MARCHF1: variants seen among roughly 807,000 people sequenced by gnomAD.
The protein encoded by MARCHF1 is E3 ubiquitin-protein ligase MARCHF1.
Under a neutral mutation model 54.2 loss-of-function variants are expected in MARCHF1, and 40 were observed. The observed-to-expected ratio is 0.74, with a 90% CI of 0.57 to 0.96. The LOEUF is 0.96. Among genes scored for constraint, MARCHF1 ranks in the 40% least tolerant of loss-of-function variants. The pLI, the probability that MARCHF1 is intolerant of heterozygous loss-of-function variation, is 0.00. For synonymous variants in MARCHF1, 236 were observed against 236.3 expected, an observed-to-expected ratio of 1.00 and a Z score of 0.01; for missense variants, 586 against 656.5, an observed-to-expected ratio of 0.89 and a Z score of 1.17.
intron 4 of MARCHF1, among the ~76,000 whole-genome samples, chr4:163,817,719 G>A (rs965606854): frequency 1.2e-4 from 18 of 151,808 alleles, no homozygotes; most frequent in South Asian, 2.1e-4. Context: ...AAAGGTTTAC[G>A]TATGTTTTGA....
chr4:163,793,703 G>A (rs562756151), intron 4 of MARCHF1, among the ~76,000 whole-genome samples: 3 of 152,248 alleles, frequency 2.0e-5, no homozygotes, highest in Admixed American at 6.5e-5. Context: ...AATCAGTTAT[G>A]TTATCTATAG....
At chr4:164,261,172 C>T (rs1282165446) in intron 1 of MARCHF1, among the ~76,000 whole-genome samples, 1 of 152,046 alleles carries the variant, frequency 6.6e-6, no homozygotes, top group African/African-American at 2.4e-5. Context: ...CTCAGGCAGC[C>T]CAGCCCTACC....
At chr4:164,077,689 A>C (rs1025183114) in intron 2 of MARCHF1, among the ~76,000 whole-genome samples, 1 of 152,230 alleles carries the variant, frequency 6.6e-6, no homozygotes, top group African/African-American at 2.4e-5. Context: ...TACAAGAAAA[A>C]AACAAACAAT....
rs796945862 is a variant in MARCHF1, at chr4:164,269,987, A to T, written c.-323+113883T>A. Among the ~76,000 whole-genome samples the T allele has an allele frequency of 3.3e-5, 5 of 152,244 alleles. No individual in the cohort carries two copies. The East Asian group carries it at 9.6e-4, about 29-fold the overall frequency. ...TCAGAAGCTATAGAGTTTGTTTAAA[A>T]CATGTAACATATTATGCCACCTTTC... On this transcript the variant is annotated intron_variant, in intron 1 of 9. Transcript: ENST00000514618.
chr4:163,982,435 G>T (rs1484006451), intron 3 of MARCHF1, among the ~76,000 whole-genome samples: 1 of 152,194 alleles, frequency 6.6e-6, no homozygotes, highest in Non-Finnish European at 1.5e-5. Context: ...GCTGTACCCA[G>T]ATCCCAGCTA....
intron 1 of MARCHF1, among the ~76,000 whole-genome samples, chr4:164,303,932 T>C (rs983713087): frequency 2.6e-5 from 4 of 152,224 alleles, no homozygotes; most frequent in African/African-American, 9.6e-5. Flanking sequence ...CTCCGAGTGA[T>C]GAATCCAAAT....
chr4:163,756,094 C>A (rs969004449), intron 4 of MARCHF1, among the ~76,000 whole-genome samples: 1 of 152,154 alleles, frequency 6.6e-6, no homozygotes, highest in Non-Finnish European at 1.5e-5. Context: ...TTTTTCAAAG[C>A]AACTCAAATA....
chr4:164,253,884 G>A (rs534949869), intron 1 of MARCHF1, among the ~76,000 whole-genome samples: 1 of 152,076 alleles, frequency 6.6e-6, no homozygotes, highest in Non-Finnish European at 1.5e-5. Context: ...CAATTTAGAT[G>A]CCAAGGGGAA....
rs530970610 is a variant in MARCHF1, at chr4:163,628,400, AAAT to A, written c.163-15010_163-15008del. ...CTAGGCATTGATGGAACGTATCTCA[AAAT>A]AATAAGGGCTATTTATGACAAACCC... is the stretch of plus-strand genomic sequence containing the variant. On this transcript the variant is annotated intron_variant, in intron 5 of 9. Coordinates refer to ENST00000514618, the MANE Select transcript of MARCHF1 (RefSeq NM_001394959.1). Among the ~76,000 whole-genome samples, 375 of 152,336 alleles carry A rather than the reference AAAT, an allele frequency of 2.5e-3. 1 individual carries two copies. Among genetic ancestry groups the A allele is most frequent in the African/African-American group, 8.6e-3 (356 of 41,576 alleles).
rs376565727 is a variant in MARCHF1, at chr4:164,199,632, TCACACACACA to T, written c.-322-87980_-322-87971del. 2.2e-3 allele frequency among the ~76,000 whole-genome samples: 254 copies of T among 114,734 alleles called. 1 individual carries two copies. The highest frequency in any genetic ancestry group is 5.1e-3 in the African/African-American group (148 of 29,104). The allele number at this position is 114,734 out of a possible 152,430, so 75.3% of individuals were successfully genotyped here. ...GCCTGGGTGACAGAGCAGGACTCTG[TCACACACACA>T]CACACACACACACACACACACACAC... On this transcript the variant is annotated intron_variant, in intron 1 of 9. Transcript: ENST00000514618.
chr4:164,040,355 C>CTTATAT (rs1754101518), intron 2 of MARCHF1, among the ~76,000 whole-genome samples: 2 of 52,996 alleles, frequency 3.8e-5, no homozygotes, highest in South Asian at 8.4e-4. Flanking sequence ...ATACTTAGTT[C>CTTATAT]TTATTAAATA....
chr4:163,606,843 A>G (rs1741160494), intron 7 of MARCHF1, among the ~76,000 whole-genome samples: 1 of 152,028 alleles, frequency 6.6e-6, no homozygotes. Context: ...TAGTCCAACC[A>G]CAATACCCTA....
chr4:163,929,998 T>C (rs566468930), intron 3 of MARCHF1, among the ~76,000 whole-genome samples: 1 of 125,914 alleles, frequency 7.9e-6, no homozygotes, highest in African/African-American at 3.0e-5. Flanking sequence ...ATATAATATA[T>C]TATATATAAA....
intron 4 of MARCHF1, among the ~76,000 whole-genome samples, chr4:163,722,979 A>C (rs1045207480): frequency 2.6e-5 from 4 of 152,186 alleles, no homozygotes; most frequent in Middle Eastern, 3.4e-3. Context: ...TCTTTATCCA[A>C]TTTGCCAGTC....
chr4:163,661,670 G>C (rs1179526303), intron 5 of MARCHF1, among the ~76,000 whole-genome samples: 1 of 151,968 alleles, frequency 6.6e-6, no homozygotes. Flanking sequence ...AATTTAATAG[G>C]TTTTGAGAAA....
chr4:164,246,912 A>T (rs1732964766), intron 1 of MARCHF1, among the ~76,000 whole-genome samples: 1 of 108,170 alleles, frequency 9.2e-6, no homozygotes, highest in Non-Finnish European at 1.9e-5. Context: ...ATGAGATACC[A>T]TCTCACACCA....
At chr4:164,241,214 T>C (rs1357397129) in intron 1 of MARCHF1, among the ~76,000 whole-genome samples, 1 of 152,068 alleles carries the variant, frequency 6.6e-6, no homozygotes, top group Admixed American at 6.5e-5. Flanking sequence ...CATAATTTCA[T>C]CCCCAACCAA....
intron 4 of MARCHF1, among the ~76,000 whole-genome samples, chr4:163,838,484 A>T (rs996352357): frequency 6.6e-6 from 1 of 151,956 alleles, no homozygotes; most frequent in Non-Finnish European, 1.5e-5. Flanking sequence ...ATGGATATGG[A>T]AAAAAAACTG....
chr4:164,205,312 C>T (rs1417056270), intron 1 of MARCHF1, among the ~76,000 whole-genome samples: 2 of 152,108 alleles, frequency 1.3e-5, no homozygotes, highest in African/African-American at 4.8e-5. Context: ...ATTTTATTTG[C>T]TGTTTATAAA....
Sources: gnomAD v4.1 joint callset for allele counts (sites outside exome capture counted in the v4.1 genomes callset) on GRCh38, gnomAD v4.1.1 for gene constraint, MANE v1.5 for transcripts, NCBI Gene and HGNC (gene_info 2026-07-23, HGNC 2026-07-21) for gene names.